Variants in CNTNAP3B observed in about 807,000 individuals in gnomAD.
CNTNAP3B encodes contactin-associated protein-like 3B.
Under a neutral mutation model 108.9 loss-of-function variants are expected in CNTNAP3B, and 25 were observed. The ratio of observed to expected loss-of-function variants is 0.23; its 90% CI spans 0.17 to 0.32. The LOEUF is 0.32. Ranked by LOEUF, CNTNAP3B falls within the 10% of genes least tolerant of loss-of-function variation. The pLI is 1.00. For missense variants in CNTNAP3B, 252 were observed against 1,210.4 expected, an observed-to-expected ratio of 0.21 and a Z score of 11.75; for synonymous variants, 103 against 473.4, an observed-to-expected ratio of 0.22 and a Z score of 10.16.
At chr9:41,973,130 G>A (rs1295220861) in intron 9 of CNTNAP3B, among the ~76,000 whole-genome samples, 3 of 139,200 alleles carry the variant, frequency 2.2e-5, no homozygotes, top group African/African-American at 8.2e-5. Context: ...TTTTTTTTCA[G>A]TAGAGACGGG....
chr9:42,084,437 G>T lies in CNTNAP3B; in HGVS notation c.197-7375C>A, dbSNP rs1354461732. 4.3e-5 allele frequency among the ~76,000 whole-genome samples: 4 copies of T among 93,558 alleles called. 1 individual carries two copies. The highest frequency in any genetic ancestry group is 1.6e-4 in the African/African-American group (4 of 24,480). 61.4% of individuals were successfully genotyped at this position (93,558 alleles called of 152,430 possible). On this transcript the variant is annotated intron_variant, in intron 2 of 23. Coordinates refer to ENST00000377561, the MANE Select transcript of CNTNAP3B (RefSeq NM_001201380.3). The stretch of plus-strand genomic sequence containing the variant: ...ACAGATAGTGTGTTTACTTTCTTCA[G>T]GGAGTGATTAAACACGTGTATTTGT...
chr9:42,096,477 A>G lies in CNTNAP3B; in HGVS notation c.196+8152T>C, dbSNP rs528749350. Among the ~76,000 whole-genome samples the G allele has an allele frequency of 2.3e-4, 32 of 137,990 alleles. 1 individual carries two copies. The highest frequency in any genetic ancestry group is 4.8e-4 in the Non-Finnish European group (31 of 64,562). The allele number at this position is 137,990 out of a possible 152,430, so 90.5% of individuals were successfully genotyped here. On this transcript the variant is annotated intron_variant, in intron 2 of 23. Transcript: ENST00000377561. ...AATGTCTTGGTTCACAGTCTCTGCA[A>G]TGATCCCCTTTTCTCTACACAGAGG...
intron 2 of CNTNAP3B, among the ~76,000 whole-genome samples, chr9:42,094,968 T>C (rs1827870770): frequency 7.3e-6 from 1 of 136,940 alleles, no homozygotes; most frequent in Non-Finnish European, 1.6e-5. Context: ...CACTGTAAAA[T>C]GATCGAATCA....
chr9:42,116,833 G>A (rs1287927596), intron 1 of CNTNAP3B, among the ~76,000 whole-genome samples: 2 of 136,722 alleles, frequency 1.5e-5, no homozygotes, highest in Non-Finnish European at 3.1e-5. Context: ...AGGAAGGTCT[G>A]CCAAGCAAAG....
At chr9:42,035,735 G>A (rs1826611961) in intron 3 of CNTNAP3B, among the ~76,000 whole-genome samples, 2 of 151,116 alleles carry the variant, frequency 1.3e-5, no homozygotes, top group Admixed American at 6.6e-5. Flanking sequence ...ATACCTCAGT[G>A]CAGCTTTGAA....
At chr9:41,971,292 AAGGAAAAGG>A (rs1385811986) in intron 9 of CNTNAP3B, among the ~76,000 whole-genome samples, 1 of 102,386 alleles carries the variant, frequency 9.8e-6, no homozygotes, top group Admixed American at 1.0e-4. Context: ...TTTGAAAAGT[AAGGAAAAGG>A]ATGAAAGTAC....
In CNTNAP3B at chr9:42,071,190, C is replaced by G. The variant is rs1484515449; in HGVS notation, c.390+5679G>C. Among the ~76,000 whole-genome samples, 9 of 141,304 alleles carry G rather than the reference C, an allele frequency of 6.4e-5. No homozygotes were observed. In the East Asian group the frequency reaches 1.9e-3, roughly 30 times the overall value. 92.7% of individuals were successfully genotyped at this position (141,304 alleles called of 152,430 possible). A position where few individuals can be genotyped will look rare whatever the true frequency, so the allele number is the denominator to read the frequency against. On this transcript the variant is annotated intron_variant, in intron 3 of 23. Coordinates refer to ENST00000377561, the MANE Select transcript of CNTNAP3B (RefSeq NM_001201380.3). ...AACACAAAACCAGGGAAGACACAGG[C>G]TGGAGGCGGGTGGGGTGGGGAGGGC...
In CNTNAP3B at chr9:42,038,352, A is replaced by G. The variant is rs1587220418; in HGVS notation, c.391-24827T>C. On this transcript the variant is annotated intron_variant, in intron 3 of 23. Transcript: ENST00000377561. ...AGACTGGCAAATTGGATAAAGAGTC[A>G]AGACTCATCAGTGTGCTGTATTCAG... Among the ~76,000 whole-genome samples the G allele has an allele frequency of 2.1e-5, 2 of 96,868 alleles. 1 individual carries two copies. Among genetic ancestry groups the G allele is most frequent in the Non-Finnish European group, 4.2e-5 (2 of 48,180 alleles). The allele number at this position is 96,868 out of a possible 152,430, so 63.5% of individuals were successfully genotyped here.
At chr9:41,917,108 T>C (rs75130320) in intron 18 of CNTNAP3B, among the ~76,000 whole-genome samples, 3 of 151,856 alleles carry the variant, frequency 2.0e-5, no homozygotes, top group Non-Finnish European at 2.9e-5. Context: ...ACCATTATTT[T>C]TCAAATATTT....
At chr9:41,987,107 CAT>C (rs1405518132) in intron 8 of CNTNAP3B, among the ~76,000 whole-genome samples, 5 of 111,200 alleles carry the variant, frequency 4.5e-5, no homozygotes, top group Non-Finnish European at 7.1e-5. Context: ...AAATCTTTAA[CAT>C]ATATTCGTGT....
intron 3 of CNTNAP3B, among the ~76,000 whole-genome samples, chr9:42,035,162 T>A (rs1036186434): frequency 8.3e-6 from 1 of 119,990 alleles, no homozygotes; most frequent in African/African-American, 3.3e-5. Context: ...AAAATCGGAA[T>A]TCTGGGATTT....
rs1329331201 is a variant in CNTNAP3B, at chr9:42,058,010, C to T, written c.390+18859G>A. ...TTATTACACCGAACATAATGTCCTC[C>T]AGGTTCATCTATGTTCTCACAAATA... On this transcript the variant is annotated intron_variant, in intron 3 of 23. Coordinates refer to ENST00000377561, the MANE Select transcript of CNTNAP3B (RefSeq NM_001201380.3). Among the ~76,000 whole-genome samples, 3 of 132,970 alleles carry T rather than the reference C, an allele frequency of 2.3e-5. No homozygotes were observed. In the East Asian group the frequency reaches 6.7e-4, roughly 30 times the overall value. 87.2% of individuals were successfully genotyped at this position (132,970 alleles called of 152,430 possible). A position where few individuals can be genotyped will look rare whatever the true frequency, so the allele number is the denominator to read the frequency against.
Position 42,114,947 on chromosome 9 carries a change from G to A in CNTNAP3B, c.86-10208C>T, listed in dbSNP as rs1394290254. 1.8e-4 allele frequency among the ~76,000 whole-genome samples: 24 copies of A among 135,424 alleles called. 2 individuals are homozygous for A. Among genetic ancestry groups the A allele is most frequent in the African/African-American group, 3.0e-4 (10 of 33,602 alleles). 88.8% of individuals were successfully genotyped at this position (135,424 alleles called of 152,430 possible). A position where few individuals can be genotyped will look rare whatever the true frequency, so the allele number is the denominator to read the frequency against. On this transcript the variant is annotated intron_variant, in intron 1 of 23. Coordinates refer to ENST00000377561, the MANE Select transcript of CNTNAP3B (RefSeq NM_001201380.3). ...CGGGAACTTGCAATCCCAGCTACTC[G>A]GGAGGCTGAGGCAGGAGAATCACTG...
intron 10 of CNTNAP3B, among the ~76,000 whole-genome samples, chr9:41,965,709 A>T (rs1303030874): frequency 6.6e-6 from 1 of 152,114 alleles, no homozygotes; most frequent in Non-Finnish European, 1.5e-5. Context: ...TCACCATGGG[A>T]CCCAGAGAAG....
rs554027402 is a variant in CNTNAP3B, at chr9:42,118,078, G to T, written c.85+10932C>A. 8.9e-4 allele frequency among the ~76,000 whole-genome samples: 120 copies of T among 135,578 alleles called. 20 individuals are homozygous for T. Among genetic ancestry groups the T allele is most frequent in the African/African-American group, 3.4e-3 (116 of 34,046 alleles). The allele number at this position is 135,578 out of a possible 152,430, so 88.9% of individuals were successfully genotyped here. ...AAGTCCAGGACCAGATGGATTCACA[G>T]CCCAATTCTACCAGAGGTACAAGGA... is the stretch of plus-strand genomic sequence containing the variant. On this transcript the variant is annotated intron_variant, in intron 1 of 23. Coordinates refer to ENST00000377561, the MANE Select transcript of CNTNAP3B (RefSeq NM_001201380.3).
intron 12 of CNTNAP3B, among the ~76,000 whole-genome samples, chr9:41,956,263 GT>G (rs1312569376): frequency 6.6e-6 from 1 of 151,740 alleles, no homozygotes; most frequent in East Asian, 2.0e-4. Context: ...GCACATGCCT[GT>G]AGTCCCAGCT....
chr9:42,030,715 C>A (rs1587212823), intron 3 of CNTNAP3B, among the ~76,000 whole-genome samples: 2 of 94,218 alleles, frequency 2.1e-5, no homozygotes, highest in Middle Eastern at 4.9e-3. Context: ...CTGCAGCTGT[C>A]TCTCCTGCCC....
chr9:41,937,270 G>A (rs530676753), intron 14 of CNTNAP3B, among the ~76,000 whole-genome samples: 236 of 151,614 alleles, frequency 1.6e-3, no homozygotes, highest in African/African-American at 5.5e-3. Context: ...GGGACTACAG[G>A]CACACACAGC....
chr9:41,934,198 T>TATATAA (rs1418666527), intron 14 of CNTNAP3B, among the ~76,000 whole-genome samples: 1 of 116,682 alleles, frequency 8.6e-6, no homozygotes, highest in South Asian at 3.0e-4. Context: ...CATATATATA[T>TATATAA]ACATACACAC....
Sources: gnomAD v4.1 joint callset for allele counts (sites outside exome capture counted in the v4.1 genomes callset) on GRCh38, gnomAD v4.1.1 for gene constraint, MANE v1.5 for transcripts, NCBI Gene and HGNC (gene_info 2026-07-23, HGNC 2026-07-21) for gene names.